The following ARHGAP26 variants were observed in gnomAD, a reference collection of about 807,000 sequenced individuals.
The protein encoded by ARHGAP26 is Rho GTPase activating protein 26, also known as rho GTPase-activating protein 26.
Under a neutral mutation model 104.8 loss-of-function variants are expected in ARHGAP26, and 38 were observed. The observed-to-expected ratio is 0.36, with a 90% CI of 0.28 to 0.48. ARHGAP26 has a LOEUF of 0.48. ARHGAP26 is among the 20% of genes least tolerant of loss of function. ARHGAP26 has a pLI of 0.99. For synonymous variants in ARHGAP26, 341 were observed against 340.0 expected (o/e 1.00, Z -0.03); for missense variants, 704 against 947.9 (o/e 0.74, Z 3.38).
chr5:143,060,757 G>T lies in ARHGAP26; in HGVS notation c.1538+3010G>T, dbSNP rs146646425. ...GTGGGTCTACTCAGTCAGGCTCGCT[G>T]CCTGGGAATCTGCATTTCTGATTTA... On this transcript the variant is annotated intron_variant, in intron 17 of 22. Coordinates refer to ENST00000645722, the MANE Select transcript of ARHGAP26 (RefSeq NM_001135608.3). 6.7e-3 allele frequency among the ~76,000 whole-genome samples: 1,023 copies of T among 152,124 alleles called. 9 individuals carry two copies. Among genetic ancestry groups the T allele is most frequent in the Middle Eastern group, 0.02 (6 of 294 alleles).
chr5:143,211,516 A>G (rs571439661), intron 21 of ARHGAP26, among the ~76,000 whole-genome samples: 4 of 152,088 alleles, frequency 2.6e-5, no homozygotes, highest in East Asian at 3.9e-4. Context: ...TCAGTTGCCT[A>G]TCAACTTGAG....
At chr5:143,153,840 A>G (rs1800139386) in intron 20 of ARHGAP26, among the ~76,000 whole-genome samples, 1 of 152,224 alleles carries the variant, frequency 6.6e-6, no homozygotes, top group African/African-American at 2.4e-5. Context: ...AGACGCACGC[A>G]TGCCAAACGC....
intron 12 of ARHGAP26, among the ~76,000 whole-genome samples, chr5:143,023,882 A>G (rs762354659): frequency 1.3e-5 from 2 of 151,986 alleles, no homozygotes; most frequent in African/African-American, 4.8e-5. Context: ...CCTCCTCCCC[A>G]CACCCTTTTT....
In ARHGAP26 at chr5:142,864,809, A is replaced by G. The variant is rs557343442; in HGVS notation, c.155-8591A>G. On this transcript the variant is annotated intron_variant, in intron 1 of 22. Transcript: ENST00000645722. ...GTACATACTGTCCTCACAGTTACAT[A>G]CATGCTTGGAAAGGTTGGGTAATTT... Among the ~76,000 whole-genome samples, 42 of 152,254 alleles carry G rather than the reference A, an allele frequency of 2.8e-4. 1 individual carries two copies. Among genetic ancestry groups the G allele is most frequent in the African/African-American group, 1.0e-3 (42 of 41,548 alleles).
Position 143,101,651 on chromosome 5 carries a change from T to A in ARHGAP26, c.1539-19337T>A, listed in dbSNP as rs565927740. Among the ~76,000 whole-genome samples, 209 of 152,054 alleles carry A rather than the reference T, an allele frequency of 1.4e-3. 1 individual carries two copies. The highest frequency in any genetic ancestry group is 4.9e-3 in the African/African-American group (205 of 41,486). On this transcript the variant is annotated intron_variant, in intron 17 of 22. Coordinates refer to ENST00000645722, the MANE Select transcript of ARHGAP26 (RefSeq NM_001135608.3). ...TTACTTTTCCCTTCTTTTTTTTTTT[T>A]AATTTCCCTGAAACAGACACACACA...
intron 10 of ARHGAP26, chr5:142,922,162 A>G (rs938110144): frequency 2.0e-5 from 3 of 152,246 alleles, no homozygotes; most frequent in Admixed American, 1.3e-4. Context: ...TATGGCCTCA[A>G]GAAGAAACTG....
chr5:143,101,298 C>T (rs887858480), intron 17 of ARHGAP26, among the ~76,000 whole-genome samples: 5 of 152,084 alleles, frequency 3.3e-5, no homozygotes, highest in African/African-American at 7.2e-5. Flanking sequence ...TCGAGTGTGT[C>T]ATTTCTCTTT....
At position 142,959,977 on chromosome 5, in the gene ARHGAP26, G is replaced by C. The variant is rs141099476; in HGVS notation, c.1107+27852G>C. Among the ~76,000 whole-genome samples the C allele has an allele frequency of 2.0e-5, 3 of 152,224 alleles. No individual in the cohort carries two copies. In the South Asian group the frequency reaches 6.2e-4, roughly 31 times the overall value. ...AACTATATGGGATTGGTCTGTTTTT[G>C]TATTCCAAGGGCCCAGTAATAGAAA... On this transcript the variant is annotated intron_variant, in intron 11 of 22. Coordinates refer to ENST00000645722, the MANE Select transcript of ARHGAP26 (RefSeq NM_001135608.3).
At chr5:142,939,930 A>G (rs1258223433) in intron 11 of ARHGAP26, among the ~76,000 whole-genome samples, 1 of 152,186 alleles carries the variant, frequency 6.6e-6, no homozygotes, top group Non-Finnish European at 1.5e-5. Context: ...CCTGGGTTCT[A>G]TTTCTAGCTC....
intron 20 of ARHGAP26, among the ~76,000 whole-genome samples, chr5:143,200,776 A>T (rs1278082431): frequency 6.6e-6 from 1 of 152,064 alleles, no homozygotes; most frequent in South Asian, 2.1e-4. Flanking sequence ...TGGTCAGCTT[A>T]CTCCTCCAGT....
chr5:143,003,883 T>A (rs188402586), intron 11 of ARHGAP26, among the ~76,000 whole-genome samples: 1 of 152,182 alleles, frequency 6.6e-6, no homozygotes, highest in East Asian at 1.9e-4. Context: ...GGTGACAAAA[T>A]AAAAACTTCA....
intron 11 of ARHGAP26, among the ~76,000 whole-genome samples, chr5:142,976,522 AATGGAGTCTTT>A (rs1197849345): frequency 6.6e-6 from 1 of 152,200 alleles, no homozygotes; most frequent in African/African-American, 2.4e-5. Flanking sequence ...GTATAGTCTC[AATGGAGTCTTT>A]AACATCCATA....
intron 11 of ARHGAP26, among the ~76,000 whole-genome samples, chr5:142,981,664 A>G (rs894610391): frequency 2.0e-5 from 3 of 152,176 alleles, no homozygotes; most frequent in African/African-American, 4.8e-5. Flanking sequence ...ATTATCTTCA[A>G]TCAAATGACC....
At chr5:143,210,729 C>G (rs373669668) in intron 21 of ARHGAP26, among the ~76,000 whole-genome samples, 1 of 152,166 alleles carries the variant, frequency 6.6e-6, no homozygotes, top group African/African-American at 2.4e-5. Flanking sequence ...CATATGATGG[C>G]GAATGGGTCA....
intron 11 of ARHGAP26, among the ~76,000 whole-genome samples, chr5:142,945,194 C>G (rs1377646941): frequency 6.6e-6 from 1 of 152,148 alleles, no homozygotes; most frequent in African/African-American, 2.4e-5. Context: ...CATGTCTAAC[C>G]AATGCAAGAG....
At chr5:143,148,552 A>T (rs1039938352) in intron 20 of ARHGAP26, among the ~76,000 whole-genome samples, 7 of 152,216 alleles carry the variant, frequency 4.6e-5, no homozygotes, top group African/African-American at 1.7e-4. Flanking sequence ...AATCATACTG[A>T]TGTTCAGGAA....
At chr5:142,932,553 C>T (rs1025691711) in intron 11 of ARHGAP26, among the ~76,000 whole-genome samples, 3 of 152,142 alleles carry the variant, frequency 2.0e-5, no homozygotes, top group Admixed American at 6.5e-5. Context: ...CATCTTGTGA[C>T]GTGTAAAATC....
intron 1 of ARHGAP26, among the ~76,000 whole-genome samples, chr5:142,776,942 T>C (rs1221319644): frequency 3.9e-5 from 6 of 152,232 alleles, no homozygotes; most frequent in Non-Finnish European, 7.3e-5. Context: ...TGTCTTTCTT[T>C]TTGATTGTAG....
intron 1 of ARHGAP26, among the ~76,000 whole-genome samples, chr5:142,869,478 C>G (rs954630667): frequency 6.6e-6 from 1 of 152,030 alleles, no homozygotes; most frequent in African/African-American, 2.4e-5. Flanking sequence ...CTTGGCCTCC[C>G]GGAACTGTAA....
Sources: allele counts gnomAD v4.1 joint callset (sites outside exome capture counted in the v4.1 genomes callset), GRCh38; gene constraint gnomAD v4.1.1; transcripts MANE v1.5; gene names NCBI Gene and HGNC (gene_info 2026-07-23, HGNC 2026-07-21).